FCHSD2: variants seen among roughly 807,000 people sequenced by gnomAD.
FCHSD2 encodes F-BAR and double SH3 domains protein 2.
Under a neutral mutation model 108.1 loss-of-function variants are expected in FCHSD2, and 38 were observed. That is an observed-to-expected ratio of 0.35 (90% confidence interval 0.27 to 0.46). The LOEUF is 0.46. FCHSD2 is among the 20% of genes least tolerant of loss of function. The pLI is 1.00. For missense variants in FCHSD2, 751 were observed against 897.8 expected (o/e 0.84, Z 2.09); for synonymous variants, 279 against 314.7 (o/e 0.89, Z 1.20).
Position 72,887,471 on chromosome 11 carries a change from T to C in FCHSD2, c.1145A>G (p.Glu382Gly). 6.2e-7 allele frequency: 1 copy of C among 1,601,506 alleles called. No individual in the cohort carries two copies. Among genetic ancestry groups the C allele is most frequent in the Non-Finnish European group, 8.5e-7 (1 of 1,172,920 alleles). ...DEARENIRKA[E>G]IIKLKAEARL... ...TGCCACAATTAGCTGCCACCTTACC[T>C]CTGCTTTACGAATATTTTCTCTAGC... Residue 382 changes from glutamate (E) to glycine (G), a missense_variant and splice_region_variant, in exon 12 of 20, where the codon GAG (glutamate) becomes GGG (glycine). Transcript: ENST00000409418.
chr11:72,926,935 C>T (rs770315231), intron 8 of FCHSD2, among the ~76,000 whole-genome samples: 1 of 152,110 alleles, frequency 6.6e-6, no homozygotes, highest in Non-Finnish European at 1.5e-5. Flanking sequence ...AAAAAAATGG[C>T]GACTTGGTGC....
At chr11:72,974,485 A>G (rs1439297368) in intron 8 of FCHSD2, among the ~76,000 whole-genome samples, 2 of 152,238 alleles carry the variant, frequency 1.3e-5, no homozygotes, top group African/African-American at 4.8e-5. Flanking sequence ...CATTCAAACC[A>G]TAACAAGTAA....
intron 3 of FCHSD2, among the ~76,000 whole-genome samples, chr11:73,056,623 A>G (rs920822779): frequency 6.6e-6 from 1 of 152,238 alleles, no homozygotes; most frequent in African/African-American, 2.4e-5. Flanking sequence ...TTCATTAAAT[A>G]AACATTCACC....
In FCHSD2 at chr11:72,994,376, A is replaced by T. The variant is rs114705375; in HGVS notation, c.388-5279T>A. ...CACATTTAGTCCTTGAAACGACTCTATGAAAAAGGTAGTAGTAGTAGTAGC... is the reference window on the plus strand; with the variant it reads ...CACATTTAGTCCTTGAAACGACTCTTTGAAAAAGGTAGTAGTAGTAGTAGC... On this transcript the variant is annotated intron_variant, in intron 5 of 19. Coordinates refer to ENST00000409418, the MANE Select transcript of FCHSD2 (RefSeq NM_014824.3). 9.0e-3 allele frequency among the ~76,000 whole-genome samples: 1,376 copies of T among 152,262 alleles called. 22 individuals carry two copies. Among genetic ancestry groups the T allele is most frequent in the African/African-American group, 0.03 (1,254 of 41,542 alleles).
rs1283293082 is a variant in FCHSD2 at position 72,867,868 on chromosome 11, G to A, written c.1305C>T (p.His435=). The A allele has an allele frequency of 1.9e-6, 3 of 1,611,618 alleles. No individual in the cohort carries two copies. The highest frequency in any genetic ancestry group is 3.4e-5 in the Admixed American group (2 of 59,616). Residue 435 remains histidine (H), a synonymous_variant, in exon 13 of 20, where the codon CAC becomes CAT. Coordinates refer to ENST00000409418, the MANE Select transcript of FCHSD2 (RefSeq NM_014824.3). ...TATCCAAGAAAAGAAATCGTACCGA[G>A]TGTAAAGTGCCATTACTGGTCACTG... ...PPAVTSNGTL[H]SLNADTEREE... is the part of the protein sequence containing the mutation.
At chr11:72,861,088 G>A (rs998293586) in intron 13 of FCHSD2, among the ~76,000 whole-genome samples, 1 of 151,858 alleles carries the variant, frequency 6.6e-6, no homozygotes, top group African/African-American at 2.4e-5. Flanking sequence ...AGAGAAAAAC[G>A]AGGGAAAAAT....
At chr11:72,943,213 G>A (rs778512770) in intron 8 of FCHSD2, among the ~76,000 whole-genome samples, 29 of 151,814 alleles carry the variant, frequency 1.9e-4, no homozygotes, top group Non-Finnish European at 2.8e-4. Context: ...GGCTGGTCTC[G>A]AACTCCTGAC....
At chr11:73,076,189 C>T (rs1859546636) in intron 3 of FCHSD2, among the ~76,000 whole-genome samples, 2 of 152,058 alleles carry the variant, frequency 1.3e-5, no homozygotes, top group African/African-American at 2.4e-5. Flanking sequence ...TTAGTACATA[C>T]CCAAGAAATA....
chr11:72,902,830 C>T (rs1440932840), intron 9 of FCHSD2, among the ~76,000 whole-genome samples, 192 bp from the exon 10 acceptor site: 3 of 152,008 alleles, frequency 2.0e-5, no homozygotes, highest in Non-Finnish European at 4.4e-5. Flanking sequence ...GTCCTATTTT[C>T]TCAAAAATAA....
intron 2 of FCHSD2, among the ~76,000 whole-genome samples, chr11:73,120,736 T>A (rs1378612766): frequency 7.4e-6 from 1 of 135,316 alleles, no homozygotes; most frequent in African/African-American, 2.8e-5. Context: ...TCTAAAAAAA[T>A]AATAATAATA....
intron 3 of FCHSD2, among the ~76,000 whole-genome samples, chr11:73,056,061 A>G (rs968558470): frequency 6.6e-6 from 1 of 151,982 alleles, no homozygotes; most frequent in Non-Finnish European, 1.5e-5. Flanking sequence ...CCCACCCCAT[A>G]AAAAAAACTA....
chr11:72,945,354 A>G (rs1401016460), intron 8 of FCHSD2, among the ~76,000 whole-genome samples: 1 of 152,248 alleles, frequency 6.6e-6, no homozygotes, highest in African/African-American at 2.4e-5. Context: ...ATATGTAGAA[A>G]GCTGAAACTG....
chr11:72,963,798 G>C lies in FCHSD2; in HGVS notation c.705+20290C>G, dbSNP rs1856857642. Among the ~76,000 whole-genome samples, 2 of 152,204 alleles carry C rather than the reference G, an allele frequency of 1.3e-5. 1 individual carries two copies. Among genetic ancestry groups the C allele is most frequent in the South Asian group, 4.1e-4 (2 of 4,828 alleles). ...TCTGACAGGAGGTGGAGCTCAGGCA[G>C]TAATGCTCACTGGCCCTCGGCTCAC... On this transcript the variant is annotated intron_variant, in intron 8 of 19. Coordinates refer to ENST00000409418, the MANE Select transcript of FCHSD2 (RefSeq NM_014824.3).
intron 2 of FCHSD2, among the ~76,000 whole-genome samples, chr11:73,119,587 C>T (rs1860684228): frequency 6.6e-6 from 1 of 152,066 alleles, no homozygotes; most frequent in Non-Finnish European, 1.5e-5. Context: ...GCTGGGACTA[C>T]AGGCACATGC....
chr11:72,934,796 TA>T (rs887125153), intron 8 of FCHSD2, among the ~76,000 whole-genome samples: 2 of 152,136 alleles, frequency 1.3e-5, no homozygotes, highest in African/African-American at 4.8e-5. Flanking sequence ...CAAATATACT[TA>T]AAAAAATAGC....
In FCHSD2 at chr11:72,984,204, G is replaced by T. The variant is rs758252874; in HGVS notation, c.589C>A (p.Arg197=). Reference sequence around the variant, plus strand: ...GTAGCTTTGGAATTACACTCAGATCGCCGGGCTTTTAACTAAAACATAGCA... The same window carrying T: ...GTAGCTTTGGAATTACACTCAGATCTCCGGGCTTTTAACTAAAACATAGCA... ...QKASVKLKAR[R]SECNSKATHA... Residue 197 remains arginine, a synonymous_variant, in exon 8 of 20, where the codon CGA becomes AGA. Transcript: ENST00000409418. 6.2e-7 allele frequency: 1 copy of T among 1,613,540 alleles called. No individual in the cohort carries two copies. Among genetic ancestry groups the T allele is most frequent in the Non-Finnish European group, 8.5e-7 (1 of 1,179,664 alleles).
chr11:73,053,247 T>C (rs1858944454), intron 3 of FCHSD2, among the ~76,000 whole-genome samples: 1 of 151,450 alleles, frequency 6.6e-6, no homozygotes. Flanking sequence ...ACAAATTTGA[T>C]AAAAACATTT....
rs1046352467 is a variant in FCHSD2 at position 73,022,689 on chromosome 11, C to T, written c.166-6804G>A. 2.0e-5 allele frequency among the ~76,000 whole-genome samples: 3 copies of T among 152,082 alleles called. No individual in the cohort carries two copies. The East Asian group carries it at 5.8e-4, about 29-fold the overall frequency. On this transcript the variant is annotated intron_variant, in intron 3 of 19. Coordinates refer to ENST00000409418, the MANE Select transcript of FCHSD2 (RefSeq NM_014824.3). ...CCCAATATGATCTATACATTCAAGG[C>T]AATCTCAATCAATAGTCCAGAAAGA...
intron 2 of FCHSD2, among the ~76,000 whole-genome samples, chr11:73,088,162 T>C (rs1040013480): frequency 6.6e-6 from 1 of 152,222 alleles, no homozygotes; most frequent in African/African-American, 2.4e-5. Context: ...TGAGCCACAC[T>C]GCCCAGCCCA....
Sources: allele counts gnomAD v4.1 joint callset (sites outside exome capture counted in the v4.1 genomes callset), GRCh38; gene constraint gnomAD v4.1.1; transcripts MANE v1.5; gene names NCBI Gene and HGNC (gene_info 2026-07-23, HGNC 2026-07-21).